MMS22L: variants seen among roughly 807,000 people sequenced by gnomAD.
MMS22L encodes MMS22 like, DNA repair protein.
MMS22L carries 74 observed loss-of-function variants against 159.1 expected under a neutral mutation model. The observed-to-expected ratio is 0.47, with a 90% CI of 0.39 to 0.56. MMS22L has a LOEUF of 0.56. Ranked by LOEUF, MMS22L falls within the 20% of genes least tolerant of loss-of-function variation. The pLI is 0.00. For missense variants in MMS22L, 1,351 were observed against 1,422.1 expected (o/e 0.95, Z 0.80); for synonymous variants, 517 against 506.9 (o/e 1.02, Z -0.27).
In MMS22L at chr6:97,224,446, A is replaced by T. The variant is rs191966872; in HGVS notation, c.2039+4448T>A. Among the ~76,000 whole-genome samples the T allele has an allele frequency of 1.3e-3, 202 of 152,214 alleles. 1 individual carries two copies. The highest frequency in any genetic ancestry group is 4.6e-3 in the African/African-American group (191 of 41,544). ...GCAAAAATTTGTTTTTATTGCAAGA[A>T]GTGAAATTTAGAGGGTTGGAATAGT... On this transcript the variant is annotated intron_variant, in intron 14 of 24. Coordinates refer to ENST00000683635, the MANE Select transcript of MMS22L (RefSeq NM_001350599.2).
intron 18 of MMS22L, among the ~76,000 whole-genome samples, chr6:97,177,473 A>C (rs1393162613): frequency 6.6e-6 from 1 of 152,010 alleles, no homozygotes; most frequent in African/African-American, 2.4e-5. Flanking sequence ...TCAGCAAAAA[A>C]CTCATTTTCT....
At chr6:97,248,040 C>T (rs944666199) in intron 10 of MMS22L, among the ~76,000 whole-genome samples, 1 of 152,182 alleles carries the variant, frequency 6.6e-6, no homozygotes, top group Admixed American at 6.5e-5. Context: ...ATGCTTTCTA[C>T]AATTCCCTCT....
chr6:97,172,600 G>A (rs530503497), intron 19 of MMS22L, among the ~76,000 whole-genome samples: 1 of 152,274 alleles, frequency 6.6e-6, no homozygotes, highest in Non-Finnish European at 1.5e-5. Flanking sequence ...AAAGGGAAGA[G>A]TATTGTGAGA....
chr6:97,228,324 T>C (rs1230082350), intron 14 of MMS22L, among the ~76,000 whole-genome samples: 1 of 152,190 alleles, frequency 6.6e-6, no homozygotes, highest in African/African-American at 2.4e-5. Flanking sequence ...TGTGTTTGCA[T>C]ATAAGCTTTC....
Position 97,165,465 on chromosome 6 carries a change from GA to G in MMS22L, c.3010-9del, listed in dbSNP as rs1197004461. 2.9e-5 allele frequency: 47 copies of G among 1,603,556 alleles called. No homozygotes were observed. The highest frequency in any genetic ancestry group is 1.7e-4 in the Middle Eastern group (1 of 6,034). ...ACACACGATACACATGCCCTACAAG[GA>G]AAAAAAGTAAGAAATACTAAGAGGT... On this transcript the variant is annotated splice_polypyrimidine_tract_variant and intron_variant, in intron 20 of 24. Transcript: ENST00000683635.
Position 97,263,417 on chromosome 6 carries a change from TGGTCA to T in MMS22L, c.855_859del (p.Ser285ArgfsTer8), listed in dbSNP as rs1220762918. 6.3e-7 allele frequency: 1 copy of T among 1,587,366 alleles called. No homozygotes were observed. Among genetic ancestry groups the T allele is most frequent in the Non-Finnish European group, 8.5e-7 (1 of 1,171,112 alleles). The stretch of plus-strand genomic sequence containing the variant: ...TTCTTTAATGCATAAACATGGACAC[TGGTCA>T]CTCATTAATGATTCAGAAGACCTAA... On this transcript the variant is annotated frameshift_variant, in exon 9 of 25. Coordinates refer to ENST00000683635, the MANE Select transcript of MMS22L (RefSeq NM_001350599.2). LOFTEE classifies it high-confidence loss of function.
chr6:97,275,436 A>G (rs553997541), intron 4 of MMS22L, among the ~76,000 whole-genome samples: 8 of 152,314 alleles, frequency 5.3e-5, no homozygotes, highest in Non-Finnish European at 7.4e-5. Flanking sequence ...CTGAGGCAGG[A>G]AAATTGCTTG....
rs369085102 is a variant in MMS22L at position 97,217,427 on chromosome 6, G to GT, written c.2039+11466dup. Among the ~76,000 whole-genome samples, 658 of 151,996 alleles carry GT rather than the reference G, an allele frequency of 4.3e-3. 10 individuals are homozygous for GT. The highest frequency in any genetic ancestry group is 0.015 in the African/African-American group (626 of 41,456). On this transcript the variant is annotated intron_variant, in intron 14 of 24. Transcript: ENST00000683635. ...CACCACCACGCCCAGCTAATTTTTT[G>GT]TATTTTTAGTAGAGGTGGGGTTTCG...
At chr6:97,169,127 T>C (rs1803268387) in intron 19 of MMS22L, among the ~76,000 whole-genome samples, 1 of 152,082 alleles carries the variant, frequency 6.6e-6, no homozygotes, top group South Asian at 2.1e-4. Context: ...TTTTACACCT[T>C]TCCATTATTT....
intron 24 of MMS22L, among the ~76,000 whole-genome samples, chr6:97,147,464 G>T (rs1420743471): frequency 1.3e-5 from 2 of 152,132 alleles, no homozygotes; most frequent in Non-Finnish European, 2.9e-5. Context: ...TACCTGTTCT[G>T]TTCAGAATCT....
chr6:97,152,104 T>C (rs551114134), intron 22 of MMS22L, among the ~76,000 whole-genome samples: 5 of 152,310 alleles, frequency 3.3e-5, no homozygotes, highest in South Asian at 2.1e-4. Flanking sequence ...AAATAATACA[T>C]GAAGACCTAT....
At chr6:97,274,947 TA>T (rs1432759022) in intron 4 of MMS22L, among the ~76,000 whole-genome samples, 7 of 152,186 alleles carry the variant, frequency 4.6e-5, no homozygotes, top group African/African-American at 1.7e-4. Flanking sequence ...AAAGCCTTAC[TA>T]GACTAATTTA....
At chr6:97,181,208 C>G (rs1383231709) in intron 16 of MMS22L, among the ~76,000 whole-genome samples, 1 of 152,172 alleles carries the variant, frequency 6.6e-6, no homozygotes, top group Non-Finnish European at 1.5e-5. Flanking sequence ...AATATGCTCT[C>G]TCACTCTACA....
At chr6:97,190,080 C>A (rs1805711582) in intron 14 of MMS22L, among the ~76,000 whole-genome samples, 1 of 152,070 alleles carries the variant, frequency 6.6e-6, no homozygotes, top group South Asian at 2.1e-4. Context: ...ATTATACAGA[C>A]TACTGAAAAA....
At chr6:97,215,304 T>G (rs1808890067) in intron 14 of MMS22L, among the ~76,000 whole-genome samples, 1 of 152,054 alleles carries the variant, frequency 6.6e-6, no homozygotes, top group Admixed American at 6.6e-5. Flanking sequence ...GCTGCTGACT[T>G]CATTCTTCTG....
Position 97,149,915 on chromosome 6 carries a change from G to A in MMS22L, c.3588C>T (p.Thr1196=). 6.2e-7 allele frequency: 1 copy of A among 1,613,538 alleles called. No homozygotes were observed. The highest frequency in any genetic ancestry group is 1.1e-5 in the South Asian group (1 of 91,030). Residue 1196 remains threonine (T), a synonymous_variant, in exon 24 of 25, where the codon ACC becomes ACT. Coordinates refer to ENST00000683635, the MANE Select transcript of MMS22L (RefSeq NM_001350599.2). The stretch of plus-strand genomic sequence containing the variant: ...CTGAATCCTTCAGAGACTGAGTAAG[G>A]GTAGAAATCAAGTGGATGACAACCT... The part of the protein sequence containing the change: ...DQQVVIHLIS[T]LTQSLKDSEQ...
intron 8 of MMS22L, chr6:97,263,698 C>T (rs1034231734): frequency 7.6e-6 from 2 of 264,308 alleles, no homozygotes; most frequent in African/African-American, 4.5e-5. Context: ...CCGTGGTCAG[C>T]AAACTTTCTC....
At chr6:97,268,157 A>C (rs2128085686) in intron 7 of MMS22L, among the ~76,000 whole-genome samples, 155 bp from the exon 8 acceptor site, 1 of 151,526 alleles carries the variant, frequency 6.6e-6, no homozygotes, top group East Asian at 1.9e-4. Context: ...ACCTTCTCAT[A>C]TGAGCACTGA....
chr6:97,198,797 G>A (rs1370716976), intron 14 of MMS22L, among the ~76,000 whole-genome samples: 1 of 152,012 alleles, frequency 6.6e-6, no homozygotes, highest in Non-Finnish European at 1.5e-5. Flanking sequence ...AGAGATAAGG[G>A]TAATTTTAAG....
Sources: allele counts gnomAD v4.1 joint callset (sites outside exome capture counted in the v4.1 genomes callset), GRCh38; gene constraint gnomAD v4.1.1; transcripts MANE v1.5; gene names NCBI Gene and HGNC (gene_info 2026-07-23, HGNC 2026-07-21).